TBC1D5: variants seen among roughly 807,000 people sequenced by gnomAD.
The protein encoded by TBC1D5 is TBC1 domain family member 5, also known as TBC1 domain family, member 5.
In TBC1D5, 75 loss-of-function variants were observed where a neutral mutation model predicts 100.3. The ratio of observed to expected loss-of-function variants is 0.75; its 90% CI spans 0.62 to 0.91. The LOEUF (loss-of-function observed/expected upper bound fraction) is 0.91, where lower values mean the gene tolerates loss of function less well. Ranked by LOEUF, TBC1D5 falls within the 40% of genes least tolerant of loss-of-function variation. The pLI, the probability that TBC1D5 is intolerant of heterozygous loss-of-function variation, is 0.00. For missense variants in TBC1D5, 910 were observed against 942.4 expected (o/e 0.97, Z 0.45); for synonymous variants, 323 against 325.6 (o/e 0.99, Z 0.09).
chr3:17,579,612 T>C (rs1324487628), intron 2 of TBC1D5, among the ~76,000 whole-genome samples: 1 of 152,150 alleles, frequency 6.6e-6, no homozygotes, highest in East Asian at 1.9e-4. Flanking sequence ...AAGTGGCAGC[T>C]ATGTCTACTG....
At chr3:17,652,572 C>T (rs2065677908) in intron 1 of TBC1D5, among the ~76,000 whole-genome samples, 1 of 152,116 alleles carries the variant, frequency 6.6e-6, no homozygotes, top group Non-Finnish European at 1.5e-5. Context: ...GACTCTAGCA[C>T]TATATCTTGT....
At chr3:17,300,235 C>G (rs4289327) in intron 14 of TBC1D5, among the ~76,000 whole-genome samples, 1 of 151,988 alleles carries the variant, frequency 6.6e-6, no homozygotes, top group Non-Finnish European at 1.5e-5. Context: ...AGGAAGAGAC[C>G]TAGTAGTCAG....
chr3:17,738,527 A>T (rs1003116481), intron 1 of TBC1D5, among the ~76,000 whole-genome samples: 11 of 152,164 alleles, frequency 7.2e-5, no homozygotes, highest in African/African-American at 2.4e-4. Context: ...ATAATCATAC[A>T]GAATTTGTAA....
intron 3 of TBC1D5, among the ~76,000 whole-genome samples, chr3:17,455,334 G>GTATGTA: frequency 7.5e-6 from 1 of 133,420 alleles, no homozygotes; most frequent in African/African-American, 3.3e-5. Context: ...GTGTATATAT[G>GTATGTA]TATATGTATA....
At chr3:17,169,920 G>A (rs975012050) in intron 19 of TBC1D5, among the ~76,000 whole-genome samples, 3 of 152,242 alleles carry the variant, frequency 2.0e-5, no homozygotes, top group Middle Eastern at 3.4e-3. Context: ...CACAAGGAGC[G>A]CACAACCTTG....
At chr3:17,179,445 C>A (rs2068191548) in intron 19 of TBC1D5, among the ~76,000 whole-genome samples, 4 of 152,184 alleles carry the variant, frequency 2.6e-5, no homozygotes, top group Admixed American at 2.6e-4. Flanking sequence ...TCAGCTAATT[C>A]ATGCATAAAT....
At chr3:17,681,615 C>G (rs918599983) in intron 1 of TBC1D5, among the ~76,000 whole-genome samples, 1 of 151,558 alleles carries the variant, frequency 6.6e-6, no homozygotes, top group Non-Finnish European at 1.5e-5. Context: ...ACATGTAACA[C>G]GCTTTTAAAG....
intron 15 of TBC1D5, among the ~76,000 whole-genome samples, chr3:17,265,819 G>A (rs2078788115): frequency 2.6e-5 from 4 of 151,728 alleles, no homozygotes; most frequent in Admixed American, 2.6e-4. Context: ...TAATTATCTC[G>A]TTAGTGCCAA....
rs1553764168 is a variant in TBC1D5 at position 17,455,530 on chromosome 3, A to ATATGTG, written c.98-27012_98-27011insCACATA. Among the ~76,000 whole-genome samples the ATATGTG allele has an allele frequency of 4.7e-3, 668 of 143,334 alleles. 1 individual carries two copies. The highest frequency in any genetic ancestry group is 0.01 in the African/African-American group (380 of 37,530). The allele number at this position is 143,334 out of a possible 152,430, so 94.0% of individuals were successfully genotyped here. A position where few individuals can be genotyped will look rare whatever the true frequency, so the allele number is the denominator to read the frequency against. ...TGTGTGTGTATATATATATATATAT[A>ATATGTG]TGTGTGTGTGTGTGTATATATATAT... On this transcript the variant is annotated intron_variant, in intron 3 of 21. Coordinates refer to ENST00000253692, the Ensembl canonical transcript of TBC1D5.
intron 13 of TBC1D5, among the ~76,000 whole-genome samples, chr3:17,321,186 G>C (rs1004399320): frequency 2.0e-5 from 3 of 152,128 alleles, no homozygotes; most frequent in Non-Finnish European, 4.4e-5. Context: ...TCTGGCCTCA[G>C]GCTCCTGAGT....
chr3:17,343,588 A>G (rs1331842656), intron 13 of TBC1D5, among the ~76,000 whole-genome samples: 1 of 149,736 alleles, frequency 6.7e-6, no homozygotes, highest in Non-Finnish European at 1.5e-5. Context: ...CTGTGAATCC[A>G]TCTGGTCCTG....
intron 14 of TBC1D5, among the ~76,000 whole-genome samples, chr3:17,306,771 A>G (rs1305322032): frequency 6.6e-6 from 1 of 152,144 alleles, no homozygotes; most frequent in Non-Finnish European, 1.5e-5. Context: ...GAGGTTTCTC[A>G]TTCCTTTTAT....
intron 14 of TBC1D5, among the ~76,000 whole-genome samples, chr3:17,295,903 G>A (rs1408609921): frequency 6.6e-6 from 1 of 152,002 alleles, no homozygotes; most frequent in Non-Finnish European, 1.5e-5. Flanking sequence ...CATTATCATT[G>A]ACTCTCTATT....
intron 13 of TBC1D5, among the ~76,000 whole-genome samples, chr3:17,318,928 A>G (rs115701964): frequency 2.1e-3 from 314 of 152,326 alleles, no homozygotes; most frequent in African/African-American, 7.4e-3. Flanking sequence ...AATGGTAATT[A>G]CAGCTATAGG....
intron 3 of TBC1D5, among the ~76,000 whole-genome samples, chr3:17,462,567 C>T (rs1385229331): frequency 3.3e-5 from 5 of 152,020 alleles, no homozygotes; most frequent in South Asian, 2.1e-4. Context: ...ACAATCCTCC[C>T]GCCTCAGCCT....
chr3:17,602,954 C>T (rs191367143), intron 2 of TBC1D5, among the ~76,000 whole-genome samples: 1 of 152,138 alleles, frequency 6.6e-6, no homozygotes, highest in Non-Finnish European at 1.5e-5. Context: ...AACCAAAATA[C>T]ATCCTGAGCC....
At chr3:17,617,554 T>C (rs1358550461) in intron 2 of TBC1D5, among the ~76,000 whole-genome samples, 1 of 152,240 alleles carries the variant, frequency 6.6e-6, no homozygotes, top group Non-Finnish European at 1.5e-5. Flanking sequence ...GATTTGGTCT[T>C]TGCACACAGT....
chr3:17,585,773 C>T (rs74398122), intron 2 of TBC1D5, among the ~76,000 whole-genome samples: 3,748 of 152,156 alleles, frequency 0.025, 69 homozygotes, highest in South Asian at 0.059. Flanking sequence ...ACAGCACATC[C>T]CAGGCAGCTG....
At chr3:17,718,551 C>A (rs1489583490) in intron 1 of TBC1D5, among the ~76,000 whole-genome samples, 4 of 152,084 alleles carry the variant, frequency 2.6e-5, no homozygotes, top group Non-Finnish European at 5.9e-5. Flanking sequence ...AAGCCGAGAT[C>A]GCGCCACTGC....
Sources: allele counts gnomAD v4.1 joint callset (sites outside exome capture counted in the v4.1 genomes callset), GRCh38; gene constraint gnomAD v4.1.1; transcripts MANE v1.5; gene names NCBI Gene and HGNC (gene_info 2026-07-23, HGNC 2026-07-21).